KRT71: variants seen among roughly 807,000 people sequenced by gnomAD.
KRT71 encodes keratin, type II cytoskeletal 71.
In KRT71, 42 loss-of-function variants were observed where a neutral mutation model predicts 46.2. That is an observed-to-expected ratio of 0.91 (90% CI 0.71 to 1.18). KRT71 has a LOEUF of 1.18. Among genes scored for constraint, KRT71 ranks in the 50% most tolerant of loss-of-function variants. KRT71 has a pLI of 0.00. For synonymous variants in KRT71, 292 were observed against 277.8 expected, an observed-to-expected ratio of 1.05 and a Z score of -0.51; for missense variants, 708 against 677.9, an observed-to-expected ratio of 1.04 and a Z score of -0.49.
rs1324511776 is a variant in KRT71 at position 52,549,351 on chromosome 12, T to C, written c.659A>G (p.Tyr220Cys). 1.9e-6 allele frequency: 3 copies of C among 1,612,818 alleles called. No homozygotes were observed. The highest frequency in any genetic ancestry group is 2.7e-5 in the African/African-American group (2 of 74,912). The change falls in exon 3 of 9, where the codon TAT (tyrosine) becomes TGT (cysteine). Residue 220 changes from tyrosine to cysteine, a missense_variant and splice_region_variant. Tyr to Cys is a radical substitution (Grantham distance 194). Coordinates refer to ENST00000267119, the MANE Select transcript of KRT71 (RefSeq NM_033448.3). ...RDVVEDYKKR[Y>C]EEEINKRTAA... The stretch of plus-strand genomic sequence containing the variant: ...TGTCCGCTTGTTGATTTCCTCCTCA[T>C]ACCTGTGGGAATGGCGAGGGCTCAT...
rs1437705418 is a variant in KRT71 at position 52,550,083 on chromosome 12, C to A, written c.602G>T (p.Arg201Met). 11 of 1,614,078 alleles carry A rather than the reference C, an allele frequency of 6.8e-6. No individual in the cohort carries two copies. The Admixed American group carries it at 1.8e-4, about 27-fold the overall frequency. ...CACATTCCTCAGCTCCGAGTCCAGC[C>A]TCACCCTGTCCCCAGACAGCGTCTC... ...QLETLSGDRV[R>M]LDSELRNVRD... Residue 201 changes from arginine (R) to methionine (M), a missense_variant, in exon 2 of 9, where the codon AGG becomes ATG. Physicochemically the swap from Arg to Met is moderately conservative, Grantham distance 91 (BLOSUM62 -1). Transcript: ENST00000267119.
intron 4 of KRT71, 82 bp downstream of exon 4, chr12:52,548,619 C>T (rs1026710811): frequency 8.1e-7 from 1 of 1,231,592 alleles, no homozygotes; most frequent in Non-Finnish European, 1.2e-6. Context: ...AGGGCTGGGG[C>T]CTCCATGTCT....
In KRT71 at chr12:52,550,139, C is replaced by T. The variant is rs1323871409; in HGVS notation, c.546G>A (p.Glu182=). The T allele has an allele frequency of 1.2e-6, 2 of 1,614,148 alleles. No individual in the cohort carries two copies. The highest frequency in any genetic ancestry group is 1.7e-6 in the Non-Finnish European group (2 of 1,180,030). The change falls in exon 2 of 9, where the codon GAG becomes GAA. Residue 182 remains glutamate, a synonymous_variant. Transcript: ENST00000267119. ...GCTTCCGCAGGTTGCTGATGTAGCCCTCGAGGATGGGCTCCAGGTTGTTCT... is the reference window on the plus strand; with the variant it reads ...GCTTCCGCAGGTTGCTGATGTAGCCTTCGAGGATGGGCTCCAGGTTGTTCT... ...NCKNNLEPIL[E]GYISNLRKQL...
intron 1 of KRT71, among the ~76,000 whole-genome samples, chr12:52,552,254 C>G (rs972824185): frequency 6.6e-6 from 1 of 152,234 alleles, no homozygotes; most frequent in Non-Finnish European, 1.5e-5. Context: ...GGCAAGTGAC[C>G]AGTGGGCAGG....
In KRT71 at chr12:52,546,298, C is replaced by T. The variant is rs1410197681; in HGVS notation, c.1313G>A (p.Ser438Asn). The T allele has an allele frequency of 3.7e-6, 6 of 1,614,176 alleles. No individual in the cohort carries two copies. The highest frequency in any genetic ancestry group is 4.5e-5 in the East Asian group (2 of 44,870). The change falls in exon 7 of 9, where the codon AGC becomes AAC. Residue 438 changes from serine to asparagine, a missense_variant. Transcript: ENST00000267119. ...ACGCCCCGCCCACCTGCACTCCTCG[C>T]TCTCCAGTAGCTTGCGATAGGTGGC... is the stretch of plus-strand genomic sequence containing the variant. ...EIATYRKLLE[S>N]EECRMSGEFP...
Position 52,544,881 on chromosome 12 carries a change from A to G in KRT71, c.1361-138T>C, listed in dbSNP as rs141688642. The G allele has an allele frequency of 1.4e-4, 102 of 707,978 alleles. No homozygotes were observed. The East Asian group carries it at 2.5e-3, about 17-fold the overall frequency. 43.9% of individuals were successfully genotyped at this position (707,978 alleles called of 1,614,324 possible). On this transcript the variant is annotated intron_variant, in intron 8 of 8. Coordinates refer to ENST00000267119, the MANE Select transcript of KRT71 (RefSeq NM_033448.3). The stretch of plus-strand genomic sequence containing the variant: ...CGCTCCCTCTCCCTGGGGAGAATGT[A>G]CCAAAGACAGCTTCCCTAATGCTCT...
chr12:52,545,414 G>A, intron 8 of KRT71, 151 bp downstream of exon 8: 1 of 528,478 alleles, frequency 1.9e-6, no homozygotes, highest in South Asian at 3.0e-5. Context: ...AGCCGATTTT[G>A]GCCATGGCTC....
At chr12:52,546,796 C>T (rs999086491) in intron 6 of KRT71, among the ~76,000 whole-genome samples, 3 of 152,192 alleles carry the variant, frequency 2.0e-5, no homozygotes, top group East Asian at 1.9e-4. Context: ...GCCAAGGGCA[C>T]GAAATGAATG....
At chr12:52,552,341 C>T (rs971833992) in intron 1 of KRT71, among the ~76,000 whole-genome samples, 5 of 152,238 alleles carry the variant, frequency 3.3e-5, no homozygotes, top group Non-Finnish European at 5.9e-5. Flanking sequence ...TTTCTGCACA[C>T]GGCCTGCAGG....
chr12:52,552,947 C>T lies in KRT71; in HGVS notation c.131G>A (p.Gly44Asp). ...AGSKGLSGGF[G>D]SRSLYSLGGV... ...CCCCAGGCTGTAGAGGCTCCGGCTG[C>T]CAAAGCCCCCACTGAGCCCTTTGCT... The change falls in exon 1 of 9, where the codon GGC becomes GAC. Residue 44 changes from glycine (G) to aspartate (D), a missense_variant. Coordinates refer to ENST00000267119, the MANE Select transcript of KRT71 (RefSeq NM_033448.3). 1.2e-6 allele frequency: 2 copies of T among 1,614,184 alleles called. No individual in the cohort carries two copies. The highest frequency in any genetic ancestry group is 1.7e-6 in the Non-Finnish European group (2 of 1,180,058).
rs1401063194 is a variant in KRT71, at chr12:52,545,920, C to A, written c.1326-321G>T. 2.0e-5 allele frequency among the ~76,000 whole-genome samples: 3 copies of A among 152,088 alleles called. No individual in the cohort carries two copies. The East Asian group carries it at 5.8e-4, about 29-fold the overall frequency. On this transcript the variant is annotated intron_variant, in intron 7 of 8. Transcript: ENST00000267119. ...AGCCCTGGGGAAGCTGGGGTGGCTGCCCCGGCACACCCCCAACAAGCTGCA... is the reference window on the plus strand; with the variant it reads ...AGCCCTGGGGAAGCTGGGGTGGCTGACCCGGCACACCCCCAACAAGCTGCA...
rs748427417 is a variant in KRT71 at position 52,548,741 on chromosome 12, A to G, written c.773T>C (p.Met258Thr). The G allele has an allele frequency of 1.6e-5, 26 of 1,614,094 alleles. No homozygotes were observed. The highest frequency in any genetic ancestry group is 2.0e-5 in the Non-Finnish European group (24 of 1,180,038). The part of the protein sequence containing the change: ...KVELQAKVES[M>T]DQEIKFFRCL... Reference sequence around the variant, plus strand: ...CCTGAAGAACTTGATCTCCTGGTCCATGGATTCCACCTTGGCCTGCAGTTC... The same window carrying G: ...CCTGAAGAACTTGATCTCCTGGTCCGTGGATTCCACCTTGGCCTGCAGTTC... Residue 258 changes from methionine (M) to threonine (T), a missense_variant, in exon 4 of 9, where the codon ATG becomes ACG. Physicochemically the swap from Met to Thr is moderately conservative, Grantham distance 81. Transcript: ENST00000267119.
rs1198343631 is a variant in KRT71, at chr12:52,548,814, C to T, written c.718-18G>A. On this transcript the variant is annotated intron_variant, in intron 3 of 8. Transcript: ENST00000267119. ...TCCACATCCTGAAAGATGCCCCCACCATCCCCTGTCACTGCTGGTACAGCC... is the reference window on the plus strand; with the variant it reads ...TCCACATCCTGAAAGATGCCCCCACTATCCCCTGTCACTGCTGGTACAGCC... 4 of 1,610,870 alleles carry T rather than the reference C, an allele frequency of 2.5e-6. No homozygotes were observed. The African/African-American group carries it at 5.3e-5, about 22-fold the overall frequency.
chr12:52,549,957 G>A (rs1592205633), intron 2 of KRT71, 72 bp downstream of exon 2: 5 of 1,563,972 alleles, frequency 3.2e-6, no homozygotes, highest in Non-Finnish European at 4.4e-6. Context: ...CATTTAAGCT[G>A]GGGTGACTGC....
Position 52,544,678 on chromosome 12 carries a change from A to G in KRT71, c.1426T>C (p.Tyr476His). Residue 476 changes from tyrosine to histidine, a missense_variant, in exon 9 of 9, where the codon TAT becomes CAT. Physicochemically the swap from Tyr to His is moderately conservative, Grantham distance 83. Coordinates refer to ENST00000267119, the MANE Select transcript of KRT71 (RefSeq NM_033448.3). ...GFRPSMVSGGYVANSSNCISG... is the reference protein window; with the variant it reads ...GFRPSMVSGGHVANSSNCISG... The stretch of plus-strand genomic sequence containing the variant: ...ATGCAGTTGCTGCTGTTGGCCACAT[A>G]GCCACCGCTGACCATGCTGGGCCGG... 6.2e-7 allele frequency: 1 copy of G among 1,613,768 alleles called. No homozygotes were observed. The highest frequency in any genetic ancestry group is 8.5e-7 in the Non-Finnish European group (1 of 1,180,014).
At position 52,549,354 on chromosome 12, in the gene KRT71, C is replaced by A; in HGVS notation, c.657-1G>T. On this transcript the variant is annotated splice_acceptor_variant, in intron 2 of 8. Transcript: ENST00000267119. LOFTEE classifies it high-confidence loss of function. ...CCGCTTGTTGATTTCCTCCTCATACCTGTGGGAATGGCGAGGGCTCATTGG... is the reference window on the plus strand; with the variant it reads ...CCGCTTGTTGATTTCCTCCTCATACATGTGGGAATGGCGAGGGCTCATTGG... 1 of 1,612,956 alleles carries A rather than the reference C, an allele frequency of 6.2e-7. No homozygotes were observed. The highest frequency in any genetic ancestry group is 1.7e-5 in the Admixed American group (1 of 60,010).
intron 3 of KRT71, 74 bp from the exon 4 acceptor site, chr12:52,548,870 C>A: frequency 7.6e-7 from 1 of 1,310,038 alleles, no homozygotes. Context: ...TGCCTGGGTT[C>A]CCTGAGTGAA....
chr12:52,549,966 G>T (rs1301928594), intron 2 of KRT71, 63 bp downstream of exon 2: 1 of 1,591,586 alleles, frequency 6.3e-7, no homozygotes, highest in Non-Finnish European at 8.6e-7. Context: ...TGGGGTGACT[G>T]CCAGGGGTCC....
At chr12:52,548,851 A>G in intron 3 of KRT71, 55 bp from the exon 4 acceptor site, 1 of 1,476,094 alleles carries the variant, frequency 6.8e-7, no homozygotes, top group Non-Finnish European at 9.5e-7. Flanking sequence ...AAAAGGCAGC[A>G]GCCATCCCTG....
Sources: allele counts gnomAD v4.1 joint callset (sites outside exome capture counted in the v4.1 genomes callset), GRCh38; gene constraint gnomAD v4.1.1; transcripts MANE v1.5; gene names NCBI Gene and HGNC (gene_info 2026-07-23, HGNC 2026-07-21).